GJA3: variants seen among roughly 807,000 people sequenced by gnomAD.
GJA3 encodes gap junction protein alpha 3, also known as gap junction alpha-3 protein.
For synonymous variants in GJA3, 297 were observed against 292.6 expected, an observed-to-expected ratio of 1.02 and a Z score of -0.15; for missense variants, 571 against 620.3, an observed-to-expected ratio of 0.92 and a Z score of 0.84.
chr13:20,149,539 T>C (rs1958864161), intron 1 of GJA3, among the ~76,000 whole-genome samples: 1 of 152,106 alleles, frequency 6.6e-6, no homozygotes, highest in Admixed American at 6.5e-5. Flanking sequence ...TAAAAATCTA[T>C]TTGTGGAGGT....
rs1274191434 is a variant in GJA3, at chr13:20,150,041, T to C, written c.-17-6736A>G. Among the ~76,000 whole-genome samples, 4 of 152,140 alleles carry C rather than the reference T, an allele frequency of 2.6e-5. No individual in the cohort carries two copies. In the East Asian group the frequency reaches 7.7e-4, roughly 29 times the overall value. ...AAAGAAGGGACAGCAAGGAGACACA[T>C]TCTGAAGACAAAAATAAAGCAGAAC... On this transcript the variant is annotated intron_variant, in intron 1 of 1. Transcript: ENST00000241125.
Position 20,142,612 on chromosome 13 carries a change from C to G in GJA3, c.677G>C (p.Gly226Ala), listed in dbSNP as rs1483333232. 1.2e-6 allele frequency: 2 copies of G among 1,612,890 alleles called. No homozygotes were observed. Among genetic ancestry groups the G allele is most frequent in the African/African-American group, 2.7e-5 (2 of 74,914 alleles). The change falls in exon 2 of 2, where the codon GGC becomes GCC. Residue 226 changes from glycine to alanine, a missense_variant. Coordinates refer to ENST00000241125, the MANE Select transcript of GJA3 (RefSeq NM_021954.4). ...CACGCCCTGCTTGAGCTTCTTCCAG[C>G]CCAGGTGGTAGATCTCCAGCATGTT... is the stretch of plus-strand genomic sequence containing the variant. Reference protein sequence around the residue: ...LLNMLEIYHLGWKKLKQGVTS... With the variant: ...LLNMLEIYHLAWKKLKQGVTS...
intron 1 of GJA3, among the ~76,000 whole-genome samples, chr13:20,148,035 C>A (rs1958853729): frequency 6.6e-6 from 1 of 152,186 alleles, no homozygotes; most frequent in South Asian, 2.1e-4. Flanking sequence ...GACTACACTT[C>A]ACAGTTTGGG....
chr13:20,147,846 T>C (rs17077137), intron 1 of GJA3, among the ~76,000 whole-genome samples: 18,096 of 152,168 alleles, frequency 0.12, 1,691 homozygotes, highest in East Asian at 0.44. Flanking sequence ...CTTTGCACGC[T>C]TAGCCCAATG....
At chr13:20,145,484 T>A (rs937530038) in intron 1 of GJA3, among the ~76,000 whole-genome samples, 92 of 152,196 alleles carry the variant, frequency 6.0e-4, no homozygotes, top group Non-Finnish European at 1.1e-3. Flanking sequence ...CCAGGAGGGA[T>A]GTCTGGGAAC....
In GJA3 at chr13:20,143,205, C is replaced by T. The variant is rs531379398; in HGVS notation, c.84G>A (p.Val28=). Residue 28 remains valine, a synonymous_variant, in exon 2 of 2, where the codon GTG becomes GTA. Coordinates refer to ENST00000241125, the MANE Select transcript of GJA3 (RefSeq NM_021954.4). ...STVIGKVWLT[V]LFIFRILVLG... ...GCACCAAGATGCGGAAGATGAACAG[C>T]ACGGTCAGCCAAACCTTGCCGATGA... 4.0e-4 allele frequency: 630 copies of T among 1,581,858 alleles called. 8 individuals carry two copies. In the South Asian group the frequency reaches 7.1e-3, roughly 18 times the overall value.
At chr13:20,150,803 C>T (rs1958872601) in intron 1 of GJA3, among the ~76,000 whole-genome samples, 1 of 152,164 alleles carries the variant, frequency 6.6e-6, no homozygotes, top group South Asian at 2.1e-4. Context: ...TGGTGCTCAG[C>T]TGGGGCCTCT....
At chr13:20,144,195 C>A (rs1260487063) in intron 1 of GJA3, among the ~76,000 whole-genome samples, 2 of 152,220 alleles carry the variant, frequency 1.3e-5, no homozygotes, top group Non-Finnish European at 2.9e-5. Flanking sequence ...CCTGAAATCA[C>A]CTCACCTGAC....
chr13:20,148,109 T>C (rs1288964170), intron 1 of GJA3, among the ~76,000 whole-genome samples: 2 of 152,176 alleles, frequency 1.3e-5, no homozygotes, highest in Non-Finnish European at 2.9e-5. Flanking sequence ...ACAATCTATC[T>C]GGGAGACTGA....
intron 1 of GJA3, among the ~76,000 whole-genome samples, chr13:20,146,389 T>A (rs1958843021): frequency 6.6e-6 from 1 of 152,202 alleles, no homozygotes; most frequent in Non-Finnish European, 1.5e-5. Flanking sequence ...TGGGGCCAAA[T>A]AACTACTTAT....
Position 20,140,188 on chromosome 13 carries a change from T to A in GJA3, c.*1793A>T, listed in dbSNP as rs1215737458. On this transcript the variant is annotated 3_prime_UTR_variant, in exon 2 of 2. Coordinates refer to ENST00000241125, the MANE Select transcript of GJA3 (RefSeq NM_021954.4). ...GTTTTCCAAAGGGCTAATTTCTCTC[T>A]TGTCAATCTGGTTGAGAAAGTCTCT... is the stretch of plus-strand genomic sequence containing the variant. 1 of 152,158 alleles carries A rather than the reference T, an allele frequency of 6.6e-6. No homozygotes were observed. The highest frequency in any genetic ancestry group is 1.5e-5 in the Non-Finnish European group (1 of 68,032). 9.4% of individuals were successfully genotyped at this position (152,158 alleles called of 1,614,324 possible).
At position 20,147,478 on chromosome 13, in the gene GJA3, G is replaced by A. The variant is rs143211718; in HGVS notation, c.-17-4173C>T. Among the ~76,000 whole-genome samples the A allele has an allele frequency of 2.3e-3, 349 of 152,262 alleles. 1 individual carries two copies. The highest frequency in any genetic ancestry group is 7.8e-3 in the African/African-American group (325 of 41,536). ...TGTAATTTTTCAGAACATTAATGAC[G>A]TGAAAAATTACTGATGCTATGATAA... On this transcript the variant is annotated intron_variant, in intron 1 of 1. Coordinates refer to ENST00000241125, the MANE Select transcript of GJA3 (RefSeq NM_021954.4).
At position 20,154,777 on chromosome 13, in the gene GJA3, C is replaced by T. The variant is rs532123315; in HGVS notation, c.-18+6113G>A. Reference sequence around the variant, plus strand: ...TGAATGACTACTGGTTTTAATGCAACACTTTTTTCCTCCATCTATTGTGAT... The same window carrying T: ...TGAATGACTACTGGTTTTAATGCAATACTTTTTTCCTCCATCTATTGTGAT... On this transcript the variant is annotated intron_variant, in intron 1 of 1. Coordinates refer to ENST00000241125, the MANE Select transcript of GJA3 (RefSeq NM_021954.4). Among the ~76,000 whole-genome samples the T allele has an allele frequency of 6.4e-4, 98 of 152,266 alleles. 1 individual carries two copies. Among genetic ancestry groups the T allele is most frequent in the African/African-American group, 2.1e-3 (89 of 41,556 alleles).
intron 1 of GJA3, among the ~76,000 whole-genome samples, chr13:20,144,304 C>T (rs1281619546): frequency 1.3e-5 from 2 of 152,180 alleles, no homozygotes; most frequent in African/African-American, 4.8e-5. Flanking sequence ...CTGTGAGGAC[C>T]AGGGGCCAGC....
chr13:20,144,480 T>C (rs536144808), intron 1 of GJA3, among the ~76,000 whole-genome samples: 1 of 152,252 alleles, frequency 6.6e-6, no homozygotes, highest in East Asian at 1.9e-4. Context: ...CCCATGGGTG[T>C]TGGGCAGGGC....
chr13:20,142,483 G>A lies in GJA3; in HGVS notation c.806C>T (p.Pro269Leu). The change falls in exon 2 of 2, where the codon CCA (proline) becomes CTA (leucine). Residue 269 changes from proline (P) to leucine (L), a missense_variant. Physicochemically the swap from Pro to Leu is moderately conservative, Grantham distance 98. Transcript: ENST00000241125. The stretch of plus-strand genomic sequence containing the variant: ...CGCAGCGGTGTGCGCATAGTAGGGT[G>A]GGAACCCGATGGCAACGGCGGGCGG... ...SRPPAVAIGF[P>L]PYYAHTAAPL... 6.4e-7 allele frequency: 1 copy of A among 1,551,292 alleles called. No homozygotes were observed. The highest frequency in any genetic ancestry group is 8.7e-7 in the Non-Finnish European group (1 of 1,148,860).
Position 20,143,084 on chromosome 13 carries a change from C to T in GJA3, c.205G>A (p.Ala69Thr). 1 of 1,613,984 alleles carries T rather than the reference C, an allele frequency of 6.2e-7. No individual in the cohort carries two copies. Among genetic ancestry groups the T allele is most frequent in the Non-Finnish European group, 8.5e-7 (1 of 1,179,924 alleles). ...PGCENVCYDR[A>T]FPISHIRFWA... ...AAGCGGATGTGGGAGATGGGGAAGGCCCTGTCGTAGCAGACGTTCTCGCAG... is the reference window on the plus strand; with the variant it reads ...AAGCGGATGTGGGAGATGGGGAAGGTCCTGTCGTAGCAGACGTTCTCGCAG... Residue 69 changes from alanine (A) to threonine (T), a missense_variant, in exon 2 of 2, where the codon GCC (alanine) becomes ACC (threonine). Ala to Thr is a moderately conservative substitution (Grantham distance 58). Coordinates refer to ENST00000241125, the MANE Select transcript of GJA3 (RefSeq NM_021954.4).
intron 1 of GJA3, among the ~76,000 whole-genome samples, chr13:20,155,357 A>T (rs1288790865): frequency 6.6e-6 from 1 of 152,162 alleles, no homozygotes; most frequent in African/African-American, 2.4e-5. Flanking sequence ...TTTGGGACTA[A>T]TGTCTTTTTT....
rs542888627 is a variant in GJA3, at chr13:20,155,326, T to A, written c.-18+5564A>T. Among the ~76,000 whole-genome samples, 274 of 152,336 alleles carry A rather than the reference T, an allele frequency of 1.8e-3. 1 individual carries two copies. Among genetic ancestry groups the A allele is most frequent in the African/African-American group, 6.2e-3 (259 of 41,568 alleles). Reference sequence around the variant, plus strand: ...TTAAAATTATCTGAATAAGCTCATATAAGAATCTCCTATAGAAGAGTTTGG... The same window carrying A: ...TTAAAATTATCTGAATAAGCTCATAAAAGAATCTCCTATAGAAGAGTTTGG... On this transcript the variant is annotated intron_variant, in intron 1 of 1. Coordinates refer to ENST00000241125, the MANE Select transcript of GJA3 (RefSeq NM_021954.4).
Sources: gnomAD v4.1 joint callset for allele counts (sites outside exome capture counted in the v4.1 genomes callset) on GRCh38, gnomAD v4.1.1 for gene constraint, MANE v1.5 for transcripts, NCBI Gene and HGNC (gene_info 2026-07-23, HGNC 2026-07-21) for gene names.